The following DENND5A variants were observed in gnomAD, a reference collection of about 807,000 sequenced individuals.
DENND5A encodes the protein DENN domain containing 5A.
DENND5A carries 64 observed loss-of-function variants against 140.3 expected under a neutral mutation model. The ratio of observed to expected loss-of-function variants is 0.46; its 90% confidence interval spans 0.37 to 0.56. The LOEUF is 0.56. DENND5A is among the 20% of genes least tolerant of loss of function. The pLI, the probability that DENND5A is intolerant of heterozygous loss-of-function variation, is 0.00. For missense variants in DENND5A, 1,292 were observed against 1,593.8 expected (o/e 0.81, Z 3.22); for synonymous variants, 605 against 607.7 (o/e 1.00, Z 0.07).
At chr11:9,199,647 C>A (rs1384294079) in intron 4 of DENND5A, among the ~76,000 whole-genome samples, 2 of 152,178 alleles carry the variant, frequency 1.3e-5, no homozygotes, top group Non-Finnish European at 2.9e-5. Flanking sequence ...ACTGCCAATT[C>A]AGCATTCCAA....
At chr11:9,247,390 G>A (rs970359681) in intron 1 of DENND5A, among the ~76,000 whole-genome samples, 23 of 151,776 alleles carry the variant, frequency 1.5e-4, no homozygotes, top group African/African-American at 5.3e-4. Flanking sequence ...CACTGGGCAA[G>A]CAGACTCCAA....
chr11:9,165,814 T>C (rs936892817), intron 11 of DENND5A, 22 bp downstream of exon 11: 2 of 1,613,264 alleles, frequency 1.2e-6, no homozygotes, highest in Admixed American at 3.3e-5. Flanking sequence ...ATAGCACACA[T>C]ACAGAGATGT....
intron 1 of DENND5A, among the ~76,000 whole-genome samples, chr11:9,224,650 G>A (rs1463138584): frequency 6.6e-6 from 1 of 152,022 alleles, no homozygotes; most frequent in African/African-American, 2.4e-5. Flanking sequence ...CACGAGGTCA[G>A]GAGTTCGAGA....
At chr11:9,154,039 A>G (rs1847721814) in intron 12 of DENND5A, among the ~76,000 whole-genome samples, 1 of 152,240 alleles carries the variant, frequency 6.6e-6, no homozygotes. Flanking sequence ...ATAATAAAAT[A>G]ATATAAAGGT....
chr11:9,205,526 C>G (rs1354195151), intron 3 of DENND5A, among the ~76,000 whole-genome samples: 1 of 152,132 alleles, frequency 6.6e-6, no homozygotes, highest in Admixed American at 6.5e-5. Flanking sequence ...ATATAGTTTC[C>G]TCTCCCTACT....
intron 1 of DENND5A, among the ~76,000 whole-genome samples, chr11:9,213,821 A>G (rs1488470908): frequency 9.3e-5 from 14 of 151,272 alleles, no homozygotes; most frequent in African/African-American, 3.2e-4. Context: ...AAAAAAAAGA[A>G]GAAGAAGAAG....
At chr11:9,140,280 C>T (rs1298596954) in intron 22 of DENND5A, 1 of 1,171,902 alleles carries the variant, frequency 8.5e-7, no homozygotes, top group East Asian at 5.7e-5. Flanking sequence ...ATTATTATCC[C>T]CACTTTATAG....
chr11:9,170,494 G>C, intron 9 of DENND5A, 133 bp downstream of exon 9: 1 of 1,181,850 alleles, frequency 8.5e-7, no homozygotes, highest in East Asian at 2.4e-5. Context: ...AAACCACCTA[G>C]ATAGTCTGGG....
intron 1 of DENND5A, among the ~76,000 whole-genome samples, chr11:9,224,730 C>G (rs962355444): frequency 5.9e-5 from 9 of 151,628 alleles, no homozygotes; most frequent in Non-Finnish European, 1.0e-4. Context: ...TGGTGGCGCG[C>G]GCCTGTAATC....
At chr11:9,147,653 C>T (rs980903418) in intron 15 of DENND5A, among the ~76,000 whole-genome samples, 3 of 152,104 alleles carry the variant, frequency 2.0e-5, no homozygotes, top group East Asian at 1.9e-4. Flanking sequence ...GATTCAGAGG[C>T]GAGAAAGGGC....
intron 22 of DENND5A, 189 bp from the exon 23 acceptor site, chr11:9,140,043 C>T: frequency 4.8e-6 from 5 of 1,044,438 alleles, no homozygotes; most frequent in African/African-American, 1.6e-5. Flanking sequence ...CCAAACAAAC[C>T]TGACCCAAAT....
At chr11:9,216,140 CTACT>C (rs1564920813) in intron 1 of DENND5A, among the ~76,000 whole-genome samples, 1 of 152,204 alleles carries the variant, frequency 6.6e-6, no homozygotes, top group African/African-American at 2.4e-5. Flanking sequence ...CCTAACTTGG[CTACT>C]TACTAATTGT....
chr11:9,243,585 G>A (rs1044168625), intron 1 of DENND5A, among the ~76,000 whole-genome samples: 2 of 151,970 alleles, frequency 1.3e-5, no homozygotes, highest in African/African-American at 4.8e-5. Context: ...CTTCCTGAAG[G>A]ATAAATATAT....
intron 1 of DENND5A, among the ~76,000 whole-genome samples, chr11:9,238,554 C>T (rs1851100003): frequency 6.6e-6 from 1 of 151,584 alleles, no homozygotes; most frequent in Non-Finnish European, 1.5e-5. Context: ...GTAGCTGGGA[C>T]CACAGGCGCC....
At chr11:9,217,957 A>C (rs553565095) in intron 1 of DENND5A, among the ~76,000 whole-genome samples, 1 of 152,354 alleles carries the variant, frequency 6.6e-6, no homozygotes, top group East Asian at 1.9e-4. Context: ...CTGTTGTTTT[A>C]AAAGAATATT....
intron 1 of DENND5A, among the ~76,000 whole-genome samples, chr11:9,232,940 T>C (rs915714833): frequency 2.6e-5 from 4 of 152,242 alleles, no homozygotes; most frequent in South Asian, 4.1e-4. Context: ...CTCTCAAATA[T>C]ATTGTACAAA....
chr11:9,252,396 C>A (rs751713295), intron 1 of DENND5A, among the ~76,000 whole-genome samples: 1 of 151,732 alleles, frequency 6.6e-6, no homozygotes, highest in Non-Finnish European at 1.5e-5. Flanking sequence ...TGCCTGTAAT[C>A]CCAGCACTTT....
chr11:9,149,032 G>T (rs961744734), intron 15 of DENND5A, among the ~76,000 whole-genome samples: 2 of 152,234 alleles, frequency 1.3e-5, no homozygotes, highest in East Asian at 1.9e-4. Flanking sequence ...CACATAAAGT[G>T]AGTTTCAAGG....
intron 5 of DENND5A, among the ~76,000 whole-genome samples, chr11:9,184,411 GT>G (rs1197129253): frequency 6.6e-6 from 1 of 152,070 alleles, no homozygotes; most frequent in East Asian, 1.9e-4. Flanking sequence ...TACACTGATT[GT>G]TATTACATGT....
Sources: allele counts gnomAD v4.1 joint callset (sites outside exome capture counted in the v4.1 genomes callset), GRCh38; gene constraint gnomAD v4.1.1; transcripts MANE v1.5; gene names NCBI Gene and HGNC (gene_info 2026-07-23, HGNC 2026-07-21).